COL6A6: variants seen among roughly 807,000 people sequenced by gnomAD.
COL6A6 encodes collagen alpha-6(VI) chain.
A neutral mutation model predicts 208.6 loss-of-function variants in COL6A6; 183 were observed. The ratio of observed to expected loss-of-function variants is 0.88; its 90% CI spans 0.78 to 0.99. The LOEUF (loss-of-function observed/expected upper bound fraction) is 0.99, where lower values mean the gene tolerates loss of function less well. Among genes scored for constraint, COL6A6 ranks in the 50% least tolerant of loss-of-function variants. COL6A6 has a pLI of 0.00. For synonymous variants in COL6A6, 973 were observed against 1,011.8 expected (o/e 0.96, Z 0.73); for missense variants, 2,816 against 2,815.2 (o/e 1.00, Z -0.01).
intron 33 of COL6A6, among the ~76,000 whole-genome samples, chr3:130,651,301 C>A (rs2065636535): frequency 1.3e-5 from 2 of 151,888 alleles, no homozygotes; most frequent in African/African-American, 4.8e-5. Flanking sequence ...TGGCGTGTGC[C>A]TGTAATCCCA....
intron 2 of COL6A6, among the ~76,000 whole-genome samples, chr3:130,560,662 C>G (rs1159848978): frequency 6.6e-6 from 1 of 152,094 alleles, no homozygotes; most frequent in Non-Finnish European, 1.5e-5. Context: ...TCATTTTGTC[C>G]TGCTTCAACC....
At chr3:130,670,537 G>A (rs1467268813) in intron 36 of COL6A6, among the ~76,000 whole-genome samples, 5 of 152,174 alleles carry the variant, frequency 3.3e-5, no homozygotes, top group Admixed American at 6.5e-5. Context: ...CACTTCCCCA[G>A]GACTGGTTCT....
At chr3:130,627,277 T>C in intron 25 of COL6A6, 42 bp from the exon 26 acceptor site, 2 of 1,578,226 alleles carry the variant, frequency 1.3e-6, no homozygotes, top group East Asian at 2.2e-5. Context: ...CCTGTCTCTA[T>C]CTGTAGTCTG....
chr3:130,563,994 T>C (rs942077887), intron 3 of COL6A6, among the ~76,000 whole-genome samples: 3 of 152,214 alleles, frequency 2.0e-5, no homozygotes, highest in South Asian at 2.1e-4. Flanking sequence ...TACTGGTTCA[T>C]TGAAAAGGTA....
intron 11 of COL6A6, among the ~76,000 whole-genome samples, chr3:130,587,099 G>T (rs1181318006): frequency 3.3e-5 from 5 of 152,154 alleles, no homozygotes; most frequent in Admixed American, 6.5e-5. Flanking sequence ...TTTTTCCTGG[G>T]ATAAGGCCTG....
chr3:130,585,004 A>G (rs576396226), intron 10 of COL6A6, among the ~76,000 whole-genome samples: 26 of 152,022 alleles, frequency 1.7e-4, no homozygotes, highest in Admixed American at 1.2e-3. Context: ...CATTCTCTTG[A>G]TTTCTCTCTT....
At chr3:130,670,556 A>G (rs974878112) in intron 36 of COL6A6, among the ~76,000 whole-genome samples, 1 of 152,212 alleles carries the variant, frequency 6.6e-6, no homozygotes, top group African/African-American at 2.4e-5. Context: ...CTCATAGACC[A>G]CTGTGTACCT....
rs573768583 is a variant in COL6A6, at chr3:130,541,916, A to G, written c.-31-18418A>G. ...CTTGTGTCTTTCAAGGAATTGGTCC[A>G]TTTCATCTGAGTTATCAAATCTGCA... is the stretch of plus-strand genomic sequence containing the variant. On this transcript the variant is annotated intron_variant, in intron 1 of 36. Coordinates refer to ENST00000358511, the MANE Select transcript of COL6A6 (RefSeq NM_001102608.3). Among the ~76,000 whole-genome samples the G allele has an allele frequency of 3.3e-5, 5 of 152,310 alleles. No homozygotes were observed. In the East Asian group the frequency reaches 5.8e-4, roughly 18 times the overall value.
At chr3:130,529,247 A>G (rs529319470) in intron 1 of COL6A6, among the ~76,000 whole-genome samples, 2 of 151,908 alleles carry the variant, frequency 1.3e-5, no homozygotes, top group African/African-American at 4.8e-5. Context: ...GAAGGGGGGA[A>G]AAACACAGCA....
chr3:130,626,418 A>G, intron 24 of COL6A6, 67 bp from the exon 25 acceptor site: 1 of 1,115,946 alleles, frequency 9.0e-7, no homozygotes, highest in Non-Finnish European at 1.4e-6. Context: ...TGTGATCCAC[A>G]CAGATGAGCT....
At chr3:130,665,200 G>A in intron 36 of COL6A6, 104 bp downstream of exon 36, 1 of 681,436 alleles carries the variant, frequency 1.5e-6, no homozygotes, top group Admixed American at 3.3e-5. Context: ...CATCTTATTT[G>A]GACAAAAATC....
chr3:130,601,113 A>T (rs1386052670), intron 20 of COL6A6, among the ~76,000 whole-genome samples: 1 of 152,210 alleles, frequency 6.6e-6, no homozygotes, highest in Non-Finnish European at 1.5e-5. Context: ...AGATGCCTAC[A>T]TCAGTGTCTA....
At chr3:130,555,529 T>G (rs1240235464) in intron 1 of COL6A6, among the ~76,000 whole-genome samples, 3 of 152,236 alleles carry the variant, frequency 2.0e-5, no homozygotes, top group Non-Finnish European at 4.4e-5. Context: ...GTTCTTTTTT[T>G]TCAATCTTTG....
At chr3:130,529,759 C>T (rs2062040841) in intron 1 of COL6A6, among the ~76,000 whole-genome samples, 1 of 152,184 alleles carries the variant, frequency 6.6e-6, no homozygotes, top group Middle Eastern at 3.2e-3. Context: ...AAAGCCAGAT[C>T]TCTTTCTGTT....
intron 1 of COL6A6, among the ~76,000 whole-genome samples, chr3:130,555,522 C>CT (rs1278465830): frequency 2.0e-5 from 3 of 152,138 alleles, no homozygotes; most frequent in Admixed American, 6.5e-5. Context: ...TGTCCCTGTT[C>CT]TTTTTTTTCA....
intron 33 of COL6A6, among the ~76,000 whole-genome samples, chr3:130,656,343 A>C (rs1181832605): frequency 6.6e-6 from 1 of 151,856 alleles, no homozygotes; most frequent in Non-Finnish European, 1.5e-5. Flanking sequence ...GTGACAGAAC[A>C]GCTCAGAGGA....
chr3:130,567,115 C>T lies in COL6A6; in HGVS notation c.1696C>T (p.Arg566Ter), dbSNP rs200391208. 117 of 1,613,824 alleles carry T rather than the reference C, an allele frequency of 7.2e-5. No homozygotes were observed. In the South Asian group the frequency reaches 8.5e-4, roughly 12 times the overall value. Residue 566 changes from arginine (R) to a stop codon, truncating the protein, a stop_gained, in exon 5 of 37, where the codon CGA becomes TGA. Transcript: ENST00000358511. LOFTEE classifies it high-confidence loss of function. Reference protein sequence around the residue: ...PANRLREEHIRVYAIGIKEAN... With the variant: ...PANRLREEHI The stretch of plus-strand genomic sequence containing the variant: ...AAACAGACTGAGAGAAGAGCACATC[C>T]GAGTTTATGCTATCGGGATCAAGGA...
chr3:130,647,434 A>C (rs976174873), intron 32 of COL6A6, among the ~76,000 whole-genome samples: 7 of 152,190 alleles, frequency 4.6e-5, no homozygotes, highest in African/African-American at 1.7e-4. Context: ...AATCACTTTC[A>C]TGTTTAGTTC....
intron 15 of COL6A6, among the ~76,000 whole-genome samples, 155 bp from the exon 16 acceptor site, chr3:130,592,906 G>A (rs1011420437): frequency 6.6e-6 from 1 of 151,904 alleles, no homozygotes; most frequent in Non-Finnish European, 1.5e-5. Context: ...TTTGTTGATA[G>A]TTTCTATTAC....
Sources: allele counts gnomAD v4.1 joint callset (sites outside exome capture counted in the v4.1 genomes callset), GRCh38; gene constraint gnomAD v4.1.1; transcripts MANE v1.5; gene names NCBI Gene and HGNC (gene_info 2026-07-23, HGNC 2026-07-21).